Variants in EPHA6 observed in about 807,000 individuals in gnomAD.
EPHA6 encodes ephrin type-A receptor 6.
EPHA6 carries 50 observed loss-of-function variants against 112.0 expected under a neutral mutation model. The observed-to-expected ratio is 0.45, with a 90% CI of 0.36 to 0.56. The LOEUF (loss-of-function observed/expected upper bound fraction) is 0.56, where lower values mean the gene tolerates loss of function less well. Ranked by LOEUF, EPHA6 falls within the 20% of genes least tolerant of loss-of-function variation. The probability of loss-of-function intolerance (pLI) is 0.00; values close to 1 mark genes in which losing one functional copy is unlikely to be tolerated. For synonymous variants in EPHA6, 529 were observed against 490.7 expected, an observed-to-expected ratio of 1.08 and a Z score of -1.03; for missense variants, 1,280 against 1,417.4, an observed-to-expected ratio of 0.90 and a Z score of 1.56.
intron 3 of EPHA6, among the ~76,000 whole-genome samples, chr3:97,100,647 A>G (rs1335464983): frequency 6.6e-6 from 1 of 151,910 alleles, no homozygotes; most frequent in African/African-American, 2.4e-5. Flanking sequence ...GGAACAAGAC[A>G]GGATAACTGG....
At chr3:96,919,894 A>T (rs1341557486) in intron 2 of EPHA6, among the ~76,000 whole-genome samples, 2 of 151,898 alleles carry the variant, frequency 1.3e-5, no homozygotes, top group Non-Finnish European at 2.9e-5. Flanking sequence ...ATCTCAAAAG[A>T]TCGAAGTTCT....
At chr3:97,165,735 A>G (rs2076526569) in intron 3 of EPHA6, among the ~76,000 whole-genome samples, 1 of 152,202 alleles carries the variant, frequency 6.6e-6, no homozygotes, top group African/African-American at 2.4e-5. Flanking sequence ...ACTGTGTAGG[A>G]AAAATTATCT....
chr3:97,291,576 A>G (rs576316765), intron 5 of EPHA6, among the ~76,000 whole-genome samples: 2 of 152,234 alleles, frequency 1.3e-5, no homozygotes, highest in South Asian at 2.1e-4. Flanking sequence ...TAAAATAATT[A>G]TTTGAAAAGA....
At chr3:96,958,720 T>C (rs902874529) in intron 2 of EPHA6, among the ~76,000 whole-genome samples, 1 of 152,206 alleles carries the variant, frequency 6.6e-6, no homozygotes, top group African/African-American at 2.4e-5. Context: ...ATAAATGGAA[T>C]CATGCAATAT....
At chr3:96,933,401 T>A (rs1411499101) in intron 2 of EPHA6, among the ~76,000 whole-genome samples, 1 of 152,184 alleles carries the variant, frequency 6.6e-6, no homozygotes, top group Non-Finnish European at 1.5e-5. Context: ...ACCTAATTAA[T>A]TTTTTAGCTA....
intron 2 of EPHA6, among the ~76,000 whole-genome samples, chr3:96,978,183 G>A (rs2042608368): frequency 6.6e-6 from 1 of 151,992 alleles, no homozygotes; most frequent in Non-Finnish European, 1.5e-5. Flanking sequence ...AAAATCATAA[G>A]GAAGAGAAAA....
intron 3 of EPHA6, among the ~76,000 whole-genome samples, chr3:97,004,536 A>G (rs142814245): frequency 1.1e-3 from 169 of 152,314 alleles, no homozygotes; most frequent in African/African-American, 3.7e-3. Context: ...AAGTCTGGAT[A>G]TTAGACATTT....
At chr3:97,459,263 C>T (rs1043687567) in intron 7 of EPHA6, among the ~76,000 whole-genome samples, 10 of 152,128 alleles carry the variant, frequency 6.6e-5, no homozygotes, top group African/African-American at 2.4e-4. Flanking sequence ...GAGCCCTGTG[C>T]CAAAGGCATC....
At chr3:97,219,848 AT>A (rs1244989965) in intron 3 of EPHA6, among the ~76,000 whole-genome samples, 18 of 152,192 alleles carry the variant, frequency 1.2e-4, no homozygotes, top group African/African-American at 3.9e-4. Flanking sequence ...ATTTTCCAAA[AT>A]TTTATGCTCT....
intron 12 of EPHA6, among the ~76,000 whole-genome samples, chr3:97,596,380 C>T (rs926454531): frequency 1.3e-5 from 2 of 152,024 alleles, no homozygotes; most frequent in African/African-American, 4.8e-5. Flanking sequence ...ACAGATTTCA[C>T]CTCTACTCAA....
intron 3 of EPHA6, among the ~76,000 whole-genome samples, chr3:97,193,331 A>G (rs1449544474): frequency 6.6e-6 from 1 of 151,954 alleles, no homozygotes; most frequent in Non-Finnish European, 1.5e-5. Flanking sequence ...ACATTTTACA[A>G]TTTTAATTGT....
At chr3:97,323,171 TC>T (rs953163365) in intron 5 of EPHA6, among the ~76,000 whole-genome samples, 9 of 151,956 alleles carry the variant, frequency 5.9e-5, no homozygotes, top group Admixed American at 2.0e-4. Flanking sequence ...GATATATGTT[TC>T]ATATGTTTCA....
chr3:97,311,049 A>G (rs931296660), intron 5 of EPHA6, among the ~76,000 whole-genome samples: 7 of 151,654 alleles, frequency 4.6e-5, no homozygotes, highest in African/African-American at 1.5e-4. Flanking sequence ...ATTAGGTGCC[A>G]TGGGACTAGC....
chr3:97,514,227 A>C (rs1433830145), intron 10 of EPHA6, among the ~76,000 whole-genome samples: 1 of 152,162 alleles, frequency 6.6e-6, no homozygotes, highest in Non-Finnish European at 1.5e-5. Flanking sequence ...CCAGCCTCTA[A>C]AGATGGCCTT....
intron 5 of EPHA6, among the ~76,000 whole-genome samples, chr3:97,333,411 A>G (rs999402692): frequency 1.4e-5 from 2 of 147,024 alleles, no homozygotes. Flanking sequence ...GAAGACAGTC[A>G]TGTCATCTGC....
At chr3:97,662,914 G>C (rs565180479) in intron 14 of EPHA6, among the ~76,000 whole-genome samples, 1 of 152,258 alleles carries the variant, frequency 6.6e-6, no homozygotes, top group South Asian at 2.1e-4. Context: ...TCAGGGCCTT[G>C]TCGAGGCCAC....
At chr3:97,586,481 G>A (rs1173240768) in intron 11 of EPHA6, among the ~76,000 whole-genome samples, 3 of 151,908 alleles carry the variant, frequency 2.0e-5, no homozygotes, top group African/African-American at 4.8e-5. Flanking sequence ...AAACAAAAGA[G>A]GTTTATGGTC....
intron 5 of EPHA6, among the ~76,000 whole-genome samples, chr3:97,290,456 T>TGA (rs1455041630): frequency 6.6e-6 from 1 of 152,122 alleles, no homozygotes; most frequent in Non-Finnish European, 1.5e-5. Context: ...TTAGGTCTGA[T>TGA]TAGTCAAGTG....
intron 3 of EPHA6, among the ~76,000 whole-genome samples, chr3:97,149,572 G>T (rs745604731): frequency 6.6e-6 from 1 of 151,574 alleles, no homozygotes. Context: ...AAGCAGCAAG[G>T]GATTACATTT....
Sources: gnomAD v4.1 joint callset for allele counts (sites outside exome capture counted in the v4.1 genomes callset) on GRCh38, gnomAD v4.1.1 for gene constraint, MANE v1.5 for transcripts, NCBI Gene and HGNC (gene_info 2026-07-23, HGNC 2026-07-21) for gene names.